Variants in RGS8 observed in about 807,000 individuals in gnomAD.
RGS8 encodes regulator of G protein signaling 8.
Under a neutral mutation model 21.7 loss-of-function variants are expected in RGS8, and 8 were observed. The ratio of observed to expected loss-of-function variants is 0.37; its 90% CI spans 0.22 to 0.66. The LOEUF (loss-of-function observed/expected upper bound fraction) is 0.66, where lower values mean the gene tolerates loss of function less well. Ranked by LOEUF, RGS8 falls within the 30% of genes least tolerant of loss-of-function variation. The pLI is 0.59. For missense variants in RGS8, 157 were observed against 217.9 expected, an observed-to-expected ratio of 0.72 and a Z score of 1.76; for synonymous variants, 80 against 83.6, an observed-to-expected ratio of 0.96 and a Z score of 0.24.
downstream of RGS8, chr1:182,642,418 C>T (rs1009630233): frequency 6.6e-6 from 1 of 152,458 alleles, no homozygotes; most frequent in Non-Finnish European, 1.5e-5. Context: ...TGGGTGCAGA[C>T]AGGGTCAGGA....
the RGS8 span, among the ~76,000 whole-genome samples, chr1:182,724,246 A>ATATATATATC: frequency 3.0e-4 from 32 of 107,156 alleles, no homozygotes; most frequent in Non-Finnish European, 4.0e-4. Flanking sequence ...ATATATATAT[A>ATATATATATC]TCCTATTATT....
chr1:182,675,379 A>G (rs1210511617), upstream of RGS8, among the ~76,000 whole-genome samples: 1 of 152,040 alleles, frequency 6.6e-6, no homozygotes, highest in Non-Finnish European at 1.5e-5. Context: ...GCACCTGCAC[A>G]ACCTCCTGCC....
At chr1:182,689,085 C>T (rs1262928553), upstream of RGS8, among the ~76,000 whole-genome samples, 1 of 152,136 alleles carries the variant, frequency 6.6e-6, no homozygotes, top group African/African-American at 2.4e-5. Flanking sequence ...GTAGTAAGGA[C>T]ATGTCTTTGC....
At chr1:182,650,174 T>A (rs528936135) in intron 5 of RGS8, among the ~76,000 whole-genome samples, 1 of 149,320 alleles carries the variant, frequency 6.7e-6, no homozygotes, top group Non-Finnish European at 1.5e-5. Flanking sequence ...CCTCCCAAAG[T>A]GCTGGGATTA....
chr1:182,720,206 C>T, the RGS8 span, among the ~76,000 whole-genome samples: 166 of 152,250 alleles, frequency 1.1e-3, no homozygotes, highest in African/African-American at 3.9e-3. Context: ...CTCTACCTCC[C>T]TCAGAGCTTA....
At chr1:182,646,173 C>T (rs1662693946) in exon 7 of RGS8, 1 of 152,416 alleles carries the variant, frequency 6.6e-6, no homozygotes, top group Admixed American at 6.5e-5. Context: ...CAAACAACTC[C>T]ATGGATTTCA....
At chr1:182,667,107 T>A in intron 3 of RGS8, 134 bp from the exon 5 acceptor site, 1 of 697,604 alleles carries the variant, frequency 1.4e-6, no homozygotes, top group South Asian at 1.6e-5. Context: ...CTCTGAAGAC[T>A]TCATGAACAG....
At chr1:182,706,594 G>A in the RGS8 span, among the ~76,000 whole-genome samples, 1 of 152,072 alleles carries the variant, frequency 6.6e-6, no homozygotes, top group Admixed American at 6.5e-5. Flanking sequence ...AGCCTCCCAA[G>A]TAGCTGGGAC....
chr1:182,742,184 G>C, the RGS8 span, among the ~76,000 whole-genome samples: 9 of 150,522 alleles, frequency 6.0e-5, no homozygotes, highest in African/African-American at 2.0e-4. Context: ...ATGTGATGGC[G>C]GCCGGGAAGA....
chr1:182,724,246 A>ATATATATATATATATATATC, the RGS8 span, among the ~76,000 whole-genome samples: 5 of 107,162 alleles, frequency 4.7e-5, no homozygotes, highest in African/African-American at 7.3e-5. Context: ...ATATATATAT[A>ATATATATATATATATATATC]TCCTATTATT....
At chr1:182,690,031 G>A in the RGS8 span, among the ~76,000 whole-genome samples, 1 of 152,096 alleles carries the variant, frequency 6.6e-6, no homozygotes, top group African/African-American at 2.4e-5. Context: ...TAGGGTCAGA[G>A]AGGTACTCTG....
chr1:182,671,713 G>C (rs115960776), exon 2 of RGS8: 3 of 1,614,028 alleles, frequency 1.9e-6, no homozygotes, highest in African/African-American at 2.7e-5. Context: ...GGTCAGAGAG[G>C]CTTCGGGTTA....
At chr1:182,703,357 G>GA in the RGS8 span, among the ~76,000 whole-genome samples, 5 of 152,156 alleles carry the variant, frequency 3.3e-5, no homozygotes, top group Non-Finnish European at 4.4e-5. Flanking sequence ...AAACTGCTCT[G>GA]ACCCACAAAT....
At chr1:182,748,444 T>G in the RGS8 span, among the ~76,000 whole-genome samples, 1 of 152,264 alleles carries the variant, frequency 6.6e-6, no homozygotes, top group Non-Finnish European at 1.5e-5. Context: ...GATTTCATTC[T>G]TTTTATGGCT....
At chr1:182,746,706 AAGAG>A in the RGS8 span, among the ~76,000 whole-genome samples, 19 of 150,694 alleles carry the variant, frequency 1.3e-4, no homozygotes, top group African/African-American at 2.9e-4. Flanking sequence ...GAAGGAAAGA[AAGAG>A]AGAGAGAGAG....
At chr1:182,669,635 C>T (rs1159705071) in exon 3 of RGS8, 3 of 1,614,096 alleles carry the variant, frequency 1.9e-6, no homozygotes, top group African/African-American at 1.3e-5. Flanking sequence ...TGCGTGGCAT[C>T]AGTAAGGCCG....
chr1:182,742,011 C>T, the RGS8 span, among the ~76,000 whole-genome samples: 3 of 146,808 alleles, frequency 2.0e-5, no homozygotes, highest in Non-Finnish European at 4.5e-5. Flanking sequence ...CAGAGGGTCT[C>T]CTCACTTCTC....
intron 5 of RGS8, among the ~76,000 whole-genome samples, chr1:182,661,220 G>C (rs1663571705): frequency 1.3e-5 from 2 of 151,902 alleles, no homozygotes; most frequent in African/African-American, 4.8e-5. Flanking sequence ...CCTGTTCTCA[G>C]AGATAGATAA....
upstream of RGS8, among the ~76,000 whole-genome samples, chr1:182,676,952 A>C (rs1664381872): frequency 6.6e-6 from 1 of 152,264 alleles, no homozygotes; most frequent in Non-Finnish European, 1.5e-5. Flanking sequence ...GAAATGAGAA[A>C]GTCTATGGGG....
Sources: allele counts gnomAD v4.1 joint callset (sites outside exome capture counted in the v4.1 genomes callset), GRCh38; gene constraint gnomAD v4.1.1; transcripts MANE v1.5; gene names NCBI Gene and HGNC (gene_info 2026-07-23, HGNC 2026-07-21).